The following KSR2 variants were observed in gnomAD, a reference collection of about 807,000 sequenced individuals.
The protein encoded by KSR2 is kinase suppressor of ras 2.
KSR2 carries 25 observed loss-of-function variants against 107.8 expected under a neutral mutation model. The ratio of observed to expected loss-of-function variants is 0.23; its 90% CI spans 0.17 to 0.32. The LOEUF is 0.32. Ranked by LOEUF, KSR2 falls within the 10% of genes least tolerant of loss-of-function variation. The pLI, the probability that KSR2 is intolerant of heterozygous loss-of-function variation, is 1.00. For missense variants in KSR2, 887 were observed against 1,268.9 expected (o/e 0.70, Z 4.57); for synonymous variants, 480 against 507.0 (o/e 0.95, Z 0.71).
At chr12:117,500,448 C>A (rs962983777) in intron 14 of KSR2, among the ~76,000 whole-genome samples, 3 of 152,168 alleles carry the variant, frequency 2.0e-5, no homozygotes, top group Non-Finnish European at 4.4e-5. Context: ...CCTAACCTAA[C>A]CCCATAAGAC....
intron 8 of KSR2, among the ~76,000 whole-genome samples, chr12:117,557,072 G>A (rs557612216): frequency 3.7e-4 from 56 of 152,166 alleles, no homozygotes; most frequent in Non-Finnish European, 7.5e-4. Context: ...GGCTGAGGCA[G>A]GAGAATCGCT....
At chr12:117,830,129 A>G (rs1260137629) in intron 3 of KSR2, among the ~76,000 whole-genome samples, 1 of 152,074 alleles carries the variant, frequency 6.6e-6, no homozygotes, top group Non-Finnish European at 1.5e-5. Flanking sequence ...TTAGCCAGGC[A>G]TGGTGGTGCA....
intron 1 of KSR2, among the ~76,000 whole-genome samples, chr12:117,966,398 C>T (rs1056651240): frequency 1.6e-4 from 24 of 151,946 alleles, no homozygotes; most frequent in African/African-American, 5.8e-4. Context: ...TCAGAACATC[C>T]CACACTTTTT....
intron 1 of KSR2, among the ~76,000 whole-genome samples, chr12:117,939,857 C>T (rs1446959671): frequency 2.0e-5 from 3 of 151,784 alleles, no homozygotes; most frequent in Non-Finnish European, 2.9e-5. Flanking sequence ...AGGAGAATTG[C>T]TTGAACCCAG....
At chr12:117,636,805 C>T (rs1883105857) in intron 5 of KSR2, among the ~76,000 whole-genome samples, 1 of 152,140 alleles carries the variant, frequency 6.6e-6, no homozygotes, top group Non-Finnish European at 1.5e-5. Flanking sequence ...AGAAATGATA[C>T]ATTTGACTGC....
At chr12:117,601,498 AG>A (rs1880953682) in intron 5 of KSR2, among the ~76,000 whole-genome samples, 2 of 152,118 alleles carry the variant, frequency 1.3e-5, no homozygotes, top group Non-Finnish European at 2.9e-5. Flanking sequence ...ACCCACACAG[AG>A]GGAAGAGGAT....
At chr12:117,635,019 G>A (rs375003858) in intron 5 of KSR2, among the ~76,000 whole-genome samples, 65 of 152,286 alleles carry the variant, frequency 4.3e-4, no homozygotes, top group African/African-American at 1.4e-3. Context: ...TATTGTGGAG[G>A]CTGCTGTTCC....
At chr12:117,710,478 T>C (rs1047578952) in intron 4 of KSR2, among the ~76,000 whole-genome samples, 6 of 152,148 alleles carry the variant, frequency 3.9e-5, no homozygotes, top group African/African-American at 1.2e-4. Flanking sequence ...CTCCCTATAC[T>C]GGATCCTTTG....
chr12:117,603,808 G>C (rs1517194), intron 5 of KSR2, among the ~76,000 whole-genome samples: 67,426 of 152,052 alleles, frequency 0.44, 15,928 homozygotes, highest in South Asian at 0.67. Flanking sequence ...GGTCAGACAC[G>C]CCTCATTAAA....
intron 4 of KSR2, among the ~76,000 whole-genome samples, chr12:117,728,320 G>A (rs942084400): frequency 6.6e-6 from 1 of 152,144 alleles, no homozygotes. Flanking sequence ...AAGACCAATG[G>A]TCATATGAGA....
At chr12:117,650,613 G>A (rs1883863879) in intron 5 of KSR2, among the ~76,000 whole-genome samples, 1 of 152,144 alleles carries the variant, frequency 6.6e-6, no homozygotes, top group African/African-American at 2.4e-5. Context: ...GGCATGAACT[G>A]TTTAGAGAAT....
intron 7 of KSR2, among the ~76,000 whole-genome samples, chr12:117,572,346 G>T (rs1188839287): frequency 6.6e-6 from 1 of 152,090 alleles, no homozygotes; most frequent in Non-Finnish European, 1.5e-5. Flanking sequence ...TTAGTAAAAT[G>T]CACGTTTCTA....
chr12:117,582,828 T>C (rs188032371), intron 5 of KSR2, among the ~76,000 whole-genome samples: 219 of 152,312 alleles, frequency 1.4e-3, no homozygotes, highest in Middle Eastern at 6.8e-3. Context: ...GAACCTGAAA[T>C]GAACATGTGC....
chr12:117,803,534 C>T (rs952032574), intron 3 of KSR2, among the ~76,000 whole-genome samples: 1 of 151,990 alleles, frequency 6.6e-6, no homozygotes, highest in African/African-American at 2.4e-5. Flanking sequence ...AACCCCGTCT[C>T]TACTAAAAAT....
At chr12:117,833,507 C>T (rs559062603) in intron 3 of KSR2, among the ~76,000 whole-genome samples, 1 of 152,176 alleles carries the variant, frequency 6.6e-6, no homozygotes, top group East Asian at 1.9e-4. Context: ...GGACTACAGG[C>T]ACACACGACC....
chr12:117,685,969 T>C (rs887174348), intron 4 of KSR2, among the ~76,000 whole-genome samples: 8 of 152,252 alleles, frequency 5.3e-5, no homozygotes, highest in African/African-American at 1.4e-4. Flanking sequence ...GTCCTAATTA[T>C]GACAGCTGCC....
rs61599258 is a variant in KSR2, at chr12:117,597,390, T to C, written c.1172-15031A>G. Among the ~76,000 whole-genome samples the C allele has an allele frequency of 5.3e-3, 810 of 152,298 alleles. 6 individuals are homozygous for C. Among genetic ancestry groups the C allele is most frequent in the African/African-American group, 0.018 (744 of 41,566 alleles). On this transcript the variant is annotated intron_variant, in intron 5 of 19. Transcript: ENST00000339824. ...GAAGATGTGATTACATAAAAGATCT[T>C]GTGATGGGGAATCCTCCTGGATTAT...
chr12:117,646,817 T>C (rs965404009), intron 5 of KSR2, among the ~76,000 whole-genome samples: 2 of 152,018 alleles, frequency 1.3e-5, no homozygotes, highest in Admixed American at 1.3e-4. Context: ...GGCTTAGTCT[T>C]CCCTCCCTCC....
intron 4 of KSR2, among the ~76,000 whole-genome samples, chr12:117,736,822 A>T (rs534167517): frequency 4.2e-5 from 6 of 144,368 alleles, no homozygotes; most frequent in African/African-American, 1.5e-4. Flanking sequence ...CAAAAAAAAA[A>T]AAAAAGAAAA....
Sources: allele counts gnomAD v4.1 joint callset (sites outside exome capture counted in the v4.1 genomes callset), GRCh38; gene constraint gnomAD v4.1.1; transcripts MANE v1.5; gene names NCBI Gene and HGNC (gene_info 2026-07-23, HGNC 2026-07-21).